INTS10: variants seen among roughly 807,000 people sequenced by gnomAD.
INTS10 encodes the protein integrator complex subunit 10.
INTS10 carries 44 observed loss-of-function variants against 94.4 expected under a neutral mutation model. The observed-to-expected ratio is 0.47, with a 90% CI of 0.37 to 0.60. The LOEUF (loss-of-function observed/expected upper bound fraction) is 0.60, where lower values mean the gene tolerates loss of function less well. Ranked by LOEUF, INTS10 falls within the 20% of genes least tolerant of loss-of-function variation. INTS10 has a pLI of 0.00. For synonymous variants in INTS10, 341 were observed against 320.7 expected, an observed-to-expected ratio of 1.06 and a Z score of -0.68; for missense variants, 797 against 868.7, an observed-to-expected ratio of 0.92 and a Z score of 1.04.
At chr8:19,833,467 A>G (rs954435316) in intron 12 of INTS10, 146 bp downstream of exon 12, 6 of 529,654 alleles carry the variant, frequency 1.1e-5, no homozygotes, top group Non-Finnish European at 1.8e-5. Flanking sequence ...GCTAGTGAAC[A>G]TCACAATGAT....
intron 16 of INTS10, chr8:19,848,627 A>G (rs975218453): frequency 1.3e-5 from 2 of 152,402 alleles, no homozygotes; most frequent in African/African-American, 4.8e-5. Context: ...TCTGTTCTCA[A>G]TACGTTTTTG....
At position 19,843,487 on chromosome 8, in the gene INTS10, G is replaced by T. The variant is rs1021210682; in HGVS notation, c.1719+560G>T. On this transcript the variant is annotated intron_variant, in intron 14 of 16. Coordinates refer to ENST00000397977, the MANE Select transcript of INTS10 (RefSeq NM_018142.4). This position sits in a 1 kb window ranked among gnomAD's most constrained non-coding sequence, Gnocchi z 4.7. ...AACATTGGGTCTCCACTTCAGTGCA[G>T]TAACTCCCACTTAACTCATCATCCA... Among the ~76,000 whole-genome samples the T allele has an allele frequency of 1.2e-4, 19 of 152,210 alleles. No homozygotes were observed. Among genetic ancestry groups the T allele is most frequent in the Admixed American group, 1.2e-3 (19 of 15,286 alleles).
chr8:19,845,999 T>C (rs1273993634), intron 16 of INTS10: 4 of 466,510 alleles, frequency 8.6e-6, no homozygotes, highest in Non-Finnish European at 1.5e-5. Flanking sequence ...TTTGCTTAAA[T>C]TGGGGTATTT....
At chr8:19,844,595 G>A (rs1340665339) in intron 15 of INTS10, among the ~76,000 whole-genome samples, 1 of 152,140 alleles carries the variant, frequency 6.6e-6, no homozygotes, top group Non-Finnish European at 1.5e-5. Context: ...TCTGTCAAAA[G>A]AATGCCTCCT....
In INTS10 at chr8:19,824,808, A is replaced by G. The variant is rs200890838; in HGVS notation, c.842A>G (p.Tyr281Cys). 34 of 1,604,536 alleles carry G rather than the reference A, an allele frequency of 2.1e-5. No homozygotes were observed. Among genetic ancestry groups the G allele is most frequent in the Admixed American group, 5.1e-5 (3 of 58,954 alleles). The stretch of plus-strand genomic sequence containing the variant: ...CATCATTCCTTCCTTTTTAGAAGCT[A>G]TGGAGATATTTTGCATAGAATGAAG... ...EWQMDKGRRS[Y>C]GDILHRMKDL... The change falls in exon 8 of 17, where the codon TAT becomes TGT. Residue 281 changes from tyrosine to cysteine, a missense_variant. Around this residue, in one of 3 missense-constraint regions of INTS10, gnomAD observed 734 missense variants for 787.8 expected, o/e 0.93. Transcript: ENST00000397977.
chr8:19,845,967 T>G, intron 16 of INTS10, 170 bp downstream of exon 16: 1 of 504,564 alleles, frequency 2.0e-6, no homozygotes. Context: ...TTGCATTTCC[T>G]TAACTACATT....
At chr8:19,848,483 A>G (rs887339667) in intron 16 of INTS10, among the ~76,000 whole-genome samples, 1 of 152,196 alleles carries the variant, frequency 6.6e-6, no homozygotes, top group South Asian at 2.1e-4. Flanking sequence ...ATTAAAATGG[A>G]AAACAATGTC....
rs1563478632 is a variant in INTS10 at position 19,849,151 on chromosome 8, GTT to G, written c.1977-2493_1977-2492del. ...GGGTGTTTGAATGCTGCTGTTTGCTGTTTTTTAAAGGCCTTCTAGCCCTCCCA... is the reference window on the plus strand; with the variant it reads ...GGGTGTTTGAATGCTGCTGTTTGCTGTTTTAAAGGCCTTCTAGCCCTCCCA... On this transcript the variant is annotated intron_variant, in intron 16 of 16. Transcript: ENST00000397977. This position sits in a 1 kb window ranked among gnomAD's most constrained non-coding sequence, Gnocchi z 4.6. 3 of 1,285,220 alleles carry G rather than the reference GTT, an allele frequency of 2.3e-6. No homozygotes were observed. The highest frequency in any genetic ancestry group is 2.5e-5 in the South Asian group (2 of 80,928). The allele number at this position is 1,285,220 out of a possible 1,614,324, so 79.6% of individuals were successfully genotyped here.
chr8:19,838,442 A>C (rs2067849234), intron 13 of INTS10, among the ~76,000 whole-genome samples: 1 of 152,230 alleles, frequency 6.6e-6, no homozygotes, highest in Admixed American at 6.5e-5. Context: ...AAGGAAATTA[A>C]ATTTGTTATC....
chr8:19,849,120 C>T lies in INTS10; in HGVS notation c.1977-2529C>T, dbSNP rs767729548. On this transcript the variant is annotated intron_variant, in intron 16 of 16. Coordinates refer to ENST00000397977, the MANE Select transcript of INTS10 (RefSeq NM_018142.4). This position sits in a 1 kb window ranked among gnomAD's most constrained non-coding sequence, Gnocchi z 4.6. ...GTTGTTTTTGCAGTGCAGGGTGAGT[C>T]GGTGTGGGTGTTTGAATGCTGCTGT... The T allele has an allele frequency of 1.2e-5, 12 of 976,882 alleles. No individual in the cohort carries two copies. Among genetic ancestry groups the T allele is most frequent in the South Asian group, 8.0e-5 (6 of 74,742 alleles). 60.5% of individuals were successfully genotyped at this position (976,882 alleles called of 1,614,324 possible). A position where few individuals can be genotyped will look rare whatever the true frequency, so the allele number is the denominator to read the frequency against.
intron 4 of INTS10, chr8:19,821,224 A>G (rs2066348147): frequency 6.6e-6 from 1 of 152,198 alleles, no homozygotes. Context: ...AAAACAACAG[A>G]AGGACTCCCA....
chr8:19,835,176 A>G (rs910888935), intron 12 of INTS10, among the ~76,000 whole-genome samples: 1 of 152,108 alleles, frequency 6.6e-6, no homozygotes, highest in Non-Finnish European at 1.5e-5. Flanking sequence ...TCTCTTTGCT[A>G]TATTACCTTG....
chr8:19,832,439 A>G (rs2067302327), intron 11 of INTS10, among the ~76,000 whole-genome samples: 1 of 152,112 alleles, frequency 6.6e-6, no homozygotes, highest in African/African-American at 2.4e-5. Flanking sequence ...GTGTGGTGGC[A>G]TGTGCCTATA....
intron 4 of INTS10, 120 bp downstream of exon 4, chr8:19,820,638 T>G: frequency 1.3e-6 from 1 of 793,756 alleles, no homozygotes; most frequent in Non-Finnish European, 1.9e-6. Flanking sequence ...AAGATTGAAC[T>G]GAAATAGAAG....
At chr8:19,821,107 A>C (rs79413747) in intron 4 of INTS10, 1 of 151,722 alleles carries the variant, frequency 6.6e-6, no homozygotes, top group South Asian at 2.1e-4. Flanking sequence ...TCTGCGGCTT[A>C]TTTCCCATGC....
At chr8:19,830,201 G>T (rs1291697488) in intron 9 of INTS10, among the ~76,000 whole-genome samples, 1 of 151,650 alleles carries the variant, frequency 6.6e-6, no homozygotes. Context: ...CTCAATTTTA[G>T]AAGTAAAAAT....
intron 9 of INTS10, among the ~76,000 whole-genome samples, chr8:19,827,770 C>A (rs945218093): frequency 5.9e-5 from 9 of 152,168 alleles, no homozygotes; most frequent in Non-Finnish European, 1.0e-4. Context: ...TTTTCATGGT[C>A]TTAACTGATT....
intron 13 of INTS10, among the ~76,000 whole-genome samples, chr8:19,840,970 C>T (rs944021591): frequency 9.9e-5 from 15 of 152,212 alleles, no homozygotes; most frequent in Middle Eastern, 6.8e-3. Context: ...TATATACCTT[C>T]CAGAAACTGA....
chr8:19,850,143 A>C (rs2068906962), intron 16 of INTS10, among the ~76,000 whole-genome samples: 2 of 145,832 alleles, frequency 1.4e-5, no homozygotes, highest in African/African-American at 5.1e-5. Context: ...AAAAAAAAAA[A>C]AGAAAGAAAG....
Sources: gnomAD v4.1 joint callset for allele counts (sites outside exome capture counted in the v4.1 genomes callset) on GRCh38, gnomAD v4.1.1 for gene constraint, gnomAD v4.1.1 regional missense constraint, Gnocchi (gnomAD v3.1) non-coding constraint, MANE v1.5 for transcripts, NCBI Gene and HGNC (gene_info 2026-07-23, HGNC 2026-07-21) for gene names.